The following ADHFE1 variants were observed in gnomAD, a reference collection of about 807,000 sequenced individuals.
ADHFE1 encodes alcohol dehydrogenase iron containing 1.
A neutral mutation model predicts 54.8 loss-of-function variants in ADHFE1; 37 were observed. The ratio of observed to expected loss-of-function variants is 0.68; its 90% CI spans 0.52 to 0.89. ADHFE1 has a LOEUF of 0.89. ADHFE1 is among the 40% of genes least tolerant of loss of function. ADHFE1 has a pLI of 0.00. For synonymous variants in ADHFE1, 203 were observed against 229.3 expected (o/e 0.89, Z 1.04); for missense variants, 601 against 591.2 (o/e 1.02, Z -0.17).
At chr8:66,454,401 G>A (rs1806464247) in intron 10 of ADHFE1, among the ~76,000 whole-genome samples, 2 of 151,832 alleles carry the variant, frequency 1.3e-5, no homozygotes, top group Non-Finnish European at 2.9e-5. Context: ...GTTCCTAAAT[G>A]TATTCTTTTT....
At position 66,468,421 on chromosome 8, in the gene ADHFE1, G is replaced by C; in HGVS notation, c.*69G>C. The C allele has an allele frequency of 1.5e-6, 2 of 1,329,852 alleles. No individual in the cohort carries two copies. The highest frequency in any genetic ancestry group is 2.1e-6 in the Non-Finnish European group (2 of 961,568). 82.4% of individuals were successfully genotyped at this position (1,329,852 alleles called of 1,614,324 possible). A position where few individuals can be genotyped will look rare whatever the true frequency, so the allele number is the denominator to read the frequency against. On this transcript the variant is annotated 3_prime_UTR_variant, in exon 14 of 14. Coordinates refer to ENST00000396623, the MANE Select transcript of ADHFE1 (RefSeq NM_144650.3). The stretch of plus-strand genomic sequence containing the variant: ...TGAGAGCAAGAGCTGATCTAGCTAG[G>C]GCTTTGTCTTTTCATCTTTGCGCAT...
intron 8 of ADHFE1, among the ~76,000 whole-genome samples, chr8:66,449,891 G>A (rs181165684): frequency 1.3e-5 from 2 of 152,332 alleles, no homozygotes; most frequent in Admixed American, 6.5e-5. Context: ...GGCCAAGGTA[G>A]GAGGATCACT....
intron 7 of ADHFE1, among the ~76,000 whole-genome samples, chr8:66,448,145 C>T (rs899851198): frequency 6.6e-6 from 1 of 152,214 alleles, no homozygotes; most frequent in Non-Finnish European, 1.5e-5. Flanking sequence ...GTCTCAGACT[C>T]TTGGCTAATG....
At chr8:66,462,317 A>T (rs2130482801) in intron 13 of ADHFE1, among the ~76,000 whole-genome samples, 1 of 152,226 alleles carries the variant, frequency 6.6e-6, no homozygotes, top group East Asian at 1.9e-4. Context: ...TGGCATAATC[A>T]CAGCTCACCA....
chr8:66,441,035 C>T (rs915804518), intron 2 of ADHFE1, among the ~76,000 whole-genome samples: 1 of 152,204 alleles, frequency 6.6e-6, no homozygotes, highest in Non-Finnish European at 1.5e-5. Context: ...ATCTATGAGA[C>T]AGAAACATAT....
intron 7 of ADHFE1, among the ~76,000 whole-genome samples, chr8:66,447,676 T>C (rs1441353896): frequency 6.6e-6 from 1 of 152,084 alleles, no homozygotes; most frequent in Non-Finnish European, 1.5e-5. Flanking sequence ...AAGGAAAAAA[T>C]CAAGGAGCCA....
chr8:66,463,509 G>A (rs1423593545), intron 13 of ADHFE1, among the ~76,000 whole-genome samples: 4 of 152,160 alleles, frequency 2.6e-5, no homozygotes, highest in Admixed American at 6.5e-5. Flanking sequence ...TGGAGTCTAC[G>A]TGATTGAGAT....
chr8:66,433,266 C>T (rs1805295503), intron 1 of ADHFE1, among the ~76,000 whole-genome samples: 2 of 152,058 alleles, frequency 1.3e-5, no homozygotes, highest in African/African-American at 4.8e-5. Flanking sequence ...GGAGGAAAGG[C>T]GAGGGACTGG....
Position 66,448,896 on chromosome 8 carries a change from G to A in ADHFE1, c.660G>A (p.Leu220=), listed in dbSNP as rs1806162828. 2 of 1,613,988 alleles carry A rather than the reference G, an allele frequency of 1.2e-6. No homozygotes were observed. The highest frequency in any genetic ancestry group is 1.6e-4 in the Middle Eastern group (1 of 6,084). Residue 220 remains leucine, a synonymous_variant, in exon 8 of 14, where the codon CTG becomes CTA. Transcript: ENST00000396623. ...GITSRAIKPT[L]GLIDPLHTLH... is the part of the protein sequence containing the mutation. ...CTTCGAGAGCCATCAAACCCACACT[G>A]GGACTGATTGATCCTCTGCACACCC... is the stretch of plus-strand genomic sequence containing the variant.
intron 9 of ADHFE1, among the ~76,000 whole-genome samples, chr8:66,452,560 AGGAGGAT>A (rs1370958249): frequency 6.6e-6 from 1 of 152,234 alleles, no homozygotes; most frequent in Non-Finnish European, 1.5e-5. Context: ...AGGCCAAAGC[AGGAGGAT>A]GGCTTGAAGC....
intron 10 of ADHFE1, among the ~76,000 whole-genome samples, chr8:66,456,408 A>G (rs978708801): frequency 7.2e-5 from 11 of 152,334 alleles, no homozygotes; most frequent in African/African-American, 2.6e-4. Context: ...CTGACTCACA[A>G]AATTCCCCCG....
At chr8:66,435,778 A>G (rs1179742115) in intron 1 of ADHFE1, among the ~76,000 whole-genome samples, 1 of 150,856 alleles carries the variant, frequency 6.6e-6, no homozygotes, top group African/African-American at 2.4e-5. Flanking sequence ...TGCGCAGCTG[A>G]TTTTATTTTT....
At position 66,447,348 on chromosome 8, in the gene ADHFE1, A is replaced by T; in HGVS notation, c.628+7A>T. On this transcript the variant is annotated splice_region_variant and intron_variant, in intron 7 of 13. Transcript: ENST00000396623. ...CACTTGAAAGTAAAAATTGGTAAGAACCATACTTTTGAATTATCTCCCTTA... is the reference window on the plus strand; with the variant it reads ...CACTTGAAAGTAAAAATTGGTAAGATCCATACTTTTGAATTATCTCCCTTA... The T allele has an allele frequency of 6.2e-7, 1 of 1,605,874 alleles. No individual in the cohort carries two copies. Among genetic ancestry groups the T allele is most frequent in the Non-Finnish European group, 8.5e-7 (1 of 1,173,116 alleles).
rs1440200711 is a variant in ADHFE1, at chr8:66,439,673, C to T, written c.60-489C>T. On this transcript the variant is annotated intron_variant, in intron 1 of 13. Coordinates refer to ENST00000396623, the MANE Select transcript of ADHFE1 (RefSeq NM_144650.3). The surrounding 1 kb of genome is among the most constrained non-coding windows in gnomAD (Gnocchi z 4.4). ...TGGGTCCAGGAAGTTCTCCTGGAGGCTCAGGTCTAGAGCCTGCCTGAAGAA... is the reference window on the plus strand; with the variant it reads ...TGGGTCCAGGAAGTTCTCCTGGAGGTTCAGGTCTAGAGCCTGCCTGAAGAA... 2 of 986,024 alleles carry T rather than the reference C, an allele frequency of 2.0e-6. No homozygotes were observed. The highest frequency in any genetic ancestry group is 5.2e-4 in the Middle Eastern group (1 of 1,918). The allele number at this position is 986,024 out of a possible 1,614,324, so 61.1% of individuals were successfully genotyped here. A position where few individuals can be genotyped will look rare whatever the true frequency, so the allele number is the denominator to read the frequency against.
chr8:66,445,130 A>G (rs969606558), intron 5 of ADHFE1, 88 bp from the exon 6 acceptor site: 3 of 1,324,330 alleles, frequency 2.3e-6, no homozygotes, highest in African/African-American at 3.0e-5. Context: ...AAAAAACCCC[A>G]CAAAACTTAC....
At chr8:66,467,183 C>T (rs1461526457) in intron 13 of ADHFE1, among the ~76,000 whole-genome samples, 1 of 152,116 alleles carries the variant, frequency 6.6e-6, no homozygotes, top group Admixed American at 6.6e-5. Flanking sequence ...AGGTGAGAAG[C>T]GCTCTGACTG....
chr8:66,457,911 T>C (rs984683157), intron 12 of ADHFE1, among the ~76,000 whole-genome samples: 1 of 152,190 alleles, frequency 6.6e-6, no homozygotes, highest in African/African-American at 2.4e-5. Context: ...TTCCTAATTA[T>C]AGAGAATCAA....
chr8:66,453,520 G>A (rs1376028963), intron 9 of ADHFE1, among the ~76,000 whole-genome samples: 1 of 152,152 alleles, frequency 6.6e-6, no homozygotes, highest in Non-Finnish European at 1.5e-5. Flanking sequence ...TGGCACTGGG[G>A]ACACCCAGAG....
In ADHFE1 at chr8:66,460,581, G is replaced by A. The variant is rs58336876; in HGVS notation, c.1320+116G>A. 4,827 of 1,293,442 alleles carry A rather than the reference G, an allele frequency of 3.7e-3. 125 individuals are homozygous for A. The African/African-American group carries it at 0.06, about 16-fold the overall frequency. The allele number at this position is 1,293,442 out of a possible 1,614,324, so 80.1% of individuals were successfully genotyped here. A position where few individuals can be genotyped will look rare whatever the true frequency, so the allele number is the denominator to read the frequency against. On this transcript the variant is annotated intron_variant, in intron 13 of 13. Coordinates refer to ENST00000396623, the MANE Select transcript of ADHFE1 (RefSeq NM_144650.3). Reference sequence around the variant, plus strand: ...AAACCAGGGCTCCCCGGTGGTTCTCGGGTCTCCTCCACAGCAGACAGCAGT... The same window carrying A: ...AAACCAGGGCTCCCCGGTGGTTCTCAGGTCTCCTCCACAGCAGACAGCAGT...
Sources: allele counts gnomAD v4.1 joint callset (sites outside exome capture counted in the v4.1 genomes callset), GRCh38; gene constraint gnomAD v4.1.1; non-coding constraint Gnocchi (gnomAD v3.1); transcripts MANE v1.5; gene names NCBI Gene and HGNC (gene_info 2026-07-23, HGNC 2026-07-21).